Variants in ZNF699 observed in about 807,000 individuals in gnomAD.
The protein encoded by ZNF699 is hangover homolog.
ZNF699 carries 18 observed loss-of-function variants against 22.5 expected under a neutral mutation model. The observed-to-expected ratio is 0.80, with a 90% CI of 0.55 to 1.19. The LOEUF (loss-of-function observed/expected upper bound fraction) is 1.19, where lower values mean the gene tolerates loss of function less well. Among genes scored for constraint, ZNF699 ranks in the 50% most tolerant of loss-of-function variants. The probability of loss-of-function intolerance (pLI) is 0.00; values close to 1 mark genes in which losing one functional copy is unlikely to be tolerated. For synonymous variants in ZNF699, 241 were observed against 262.3 expected (o/e 0.92, Z 0.78); for missense variants, 670 against 763.4 (o/e 0.88, Z 1.44).
rs1202373987 is a variant in ZNF699 at position 9,302,467 on chromosome 19, G to T, written c.86C>A (p.Thr29Asn). Residue 29 changes from threonine (T) to asparagine (N), a missense_variant, in exon 3 of 6, where the codon ACC becomes AAC. By Grantham distance (65) the Thr-to-Asn change is moderately conservative. Transcript: ENST00000591998. ...ATCCAGCAAAGCCCATTCCTCCTGG[G>T]TAAAGTCCACAGCCACATCCTCAAA... Reference protein sequence around the residue: ...VVFEDVAVDFTQEEWALLDLA... With the variant: ...VVFEDVAVDFNQEEWALLDLA... 5.6e-6 allele frequency: 9 copies of T among 1,613,744 alleles called. No individual in the cohort carries two copies. In the Admixed American group the frequency reaches 1.5e-4, roughly 27 times the overall value.
intron 2 of ZNF699, among the ~76,000 whole-genome samples, chr19:9,304,822 C>A (rs932061902): frequency 2.0e-5 from 3 of 150,738 alleles, no homozygotes; most frequent in Admixed American, 6.6e-5. Context: ...ACTCGGGAGG[C>A]TGAGGCAGGA....
chr19:9,302,329 A>T (rs1358397735), intron 3 of ZNF699, 49 bp downstream of exon 3: 1 of 1,604,964 alleles, frequency 6.2e-7, no homozygotes, highest in Non-Finnish European at 8.5e-7. Context: ...ATTTAGTGAG[A>T]TAAAATAACT....
chr19:9,295,363 CGAT>C lies in ZNF699; in HGVS notation c.*109_*111del. 7.1e-7 allele frequency: 1 copy of C among 1,408,480 alleles called. No individual in the cohort carries two copies. The allele number at this position is 1,408,480 out of a possible 1,614,324, so 87.2% of individuals were successfully genotyped here. On this transcript the variant is annotated 3_prime_UTR_variant, in exon 6 of 6. Coordinates refer to ENST00000591998, the MANE Select transcript of ZNF699 (RefSeq NM_198535.3). ...CTAAAGTGTCCTCAAATCTTCAAAA[CGAT>C]GAGCAACAATTTCCTACTTTCTTAC...
chr19:9,297,499 A>AAGC lies in ZNF699; in HGVS notation c.287-23_287-21dup, dbSNP rs779167302. 6.5e-7 allele frequency: 1 copy of AAGC among 1,542,954 alleles called. No homozygotes were observed. The highest frequency in any genetic ancestry group is 1.4e-5 in the African/African-American group (1 of 71,480). On this transcript the variant is annotated intron_variant, in intron 4 of 5. Transcript: ENST00000591998. This position sits in a 1 kb window ranked among gnomAD's most constrained non-coding sequence, Gnocchi z 4.3. ...CAAAACCTGAAACGAAAAAAAGTGAAAGCTTCCATGAGCCAAGGACTTTTA... is the reference window on the plus strand; with the variant it reads ...CAAAACCTGAAACGAAAAAAAGTGAAAGCAGCTTCCATGAGCCAAGGACTTTTA...
intron 3 of ZNF699, among the ~76,000 whole-genome samples, chr19:9,300,943 T>C (rs1337632765): frequency 1.3e-5 from 2 of 152,170 alleles, no homozygotes; most frequent in African/African-American, 4.8e-5. Context: ...AATGATGGAC[T>C]CTGGGCAATG....
In ZNF699 at chr19:9,296,045, C is replaced by G; in HGVS notation, c.1359G>C (p.Gly453=). The change falls in exon 6 of 6, where the codon GGG becomes GGC. Residue 453 remains glycine (G), a synonymous_variant. Coordinates refer to ENST00000591998, the MANE Select transcript of ZNF699 (RefSeq NM_198535.3). The part of the protein sequence containing the change: ...REKPYECKEC[G]KAFSCPSSFR... ...AGGACGAGGGACAACTAAAGGCCTT[C>G]CCACATTCCTTACATTCATAGGGTT... The G allele has an allele frequency of 6.2e-7, 1 of 1,614,154 alleles. No individual in the cohort carries two copies. Among genetic ancestry groups the G allele is most frequent in the Non-Finnish European group, 8.5e-7 (1 of 1,180,022 alleles).
At chr19:9,307,602 G>A (rs1181431313) in intron 1 of ZNF699, among the ~76,000 whole-genome samples, 1 of 151,970 alleles carries the variant, frequency 6.6e-6, no homozygotes, top group Non-Finnish European at 1.5e-5. Flanking sequence ...AATTTCAGAG[G>A]GTTTAGTATA....
At chr19:9,304,367 G>A (rs1049385502) in intron 2 of ZNF699, among the ~76,000 whole-genome samples, 1 of 151,574 alleles carries the variant, frequency 6.6e-6, no homozygotes, top group Non-Finnish European at 1.5e-5. Flanking sequence ...AAAATACACC[G>A]AGAGAAAAGC....
At position 9,292,694 on chromosome 19, in the gene ZNF699, T is replaced by C. The variant is rs550547171; in HGVS notation, c.*2781A>G. 5.7e-4 allele frequency among the ~76,000 whole-genome samples: 86 copies of C among 152,146 alleles called. No homozygotes were observed. Among genetic ancestry groups the C allele is most frequent in the African/African-American group, 2.0e-3 (84 of 41,496 alleles). On this transcript the variant is annotated 3_prime_UTR_variant, in exon 6 of 6. Coordinates refer to ENST00000591998, the MANE Select transcript of ZNF699 (RefSeq NM_198535.3). ...AAATGTTATCTGTAATGTATGTATA[T>C]ATAATATACATATTTTATGTATATA...
Position 9,296,003 on chromosome 19 carries a change from T to C in ZNF699, c.1401A>G (p.Arg467=). The C allele has an allele frequency of 6.2e-7, 1 of 1,614,102 alleles. No homozygotes were observed. Among genetic ancestry groups the C allele is most frequent in the Non-Finnish European group, 8.5e-7 (1 of 1,180,014 alleles). ...SCPSSFRAHV[R]DHTGKIQYEC... ...CATACTGTATCTTTCCAGTGTGATC[T>C]CTCACATGTGCTCTAAAGGACGAGG... Residue 467 remains arginine, a synonymous_variant, in exon 6 of 6, where the codon AGA becomes AGG. Transcript: ENST00000591998.
chr19:9,305,500 T>C (rs2066324507), intron 1 of ZNF699, among the ~76,000 whole-genome samples: 1 of 151,986 alleles, frequency 6.6e-6, no homozygotes, highest in Non-Finnish European at 1.5e-5. Context: ...TATCAGGGAG[T>C]ATCTTCCAAA....
Position 9,295,928 on chromosome 19 carries a change from T to C in ZNF699, c.1476A>G (p.Glu492=), listed in dbSNP as rs2144974564. The C allele has an allele frequency of 6.2e-7, 1 of 1,614,092 alleles. No homozygotes were observed. Among genetic ancestry groups the C allele is most frequent in the African/African-American group, 1.3e-5 (1 of 75,010 alleles). Residue 492 remains glutamate, a synonymous_variant, in exon 6 of 6, where the codon GAA becomes GAG. Coordinates refer to ENST00000591998, the MANE Select transcript of ZNF699 (RefSeq NM_198535.3). ...TCTCTCCGCTGTGAGTTCTTAGGTG[T>C]TCGGTGAGGGATGAGGAACGACTAA... The part of the protein sequence containing the change: ...KTFSRSSSLT[E]HLRTHSGEKP...
rs867222996 is a variant in ZNF699, at chr19:9,293,091, C to G, written c.*2384G>C. 6.8e-6 allele frequency among the ~76,000 whole-genome samples: 1 copy of G among 146,350 alleles called. No individual in the cohort carries two copies. Among genetic ancestry groups the G allele is most frequent in the Non-Finnish European group, 1.5e-5 (1 of 67,176 alleles). On this transcript the variant is annotated 3_prime_UTR_variant, in exon 6 of 6. Transcript: ENST00000591998. ...GCGGAGATTGCAGTGAGCAAGATCA[C>G]GCCACTGCACTCCAACCTGGGCACA...
chr19:9,303,332 C>T (rs748294724), intron 2 of ZNF699, among the ~76,000 whole-genome samples: 3 of 152,226 alleles, frequency 2.0e-5, no homozygotes, highest in Non-Finnish European at 4.4e-5. Context: ...GTCAATTATA[C>T]TTCTGACTGG....
rs952963340 is a variant in ZNF699 at position 9,294,583 on chromosome 19, A to G, written c.*892T>C. The G allele has an allele frequency of 2.0e-5, 3 of 152,148 alleles. No individual in the cohort carries two copies. The highest frequency in any genetic ancestry group is 7.2e-5 in the African/African-American group (3 of 41,420). 9.4% of individuals were successfully genotyped at this position (152,148 alleles called of 1,614,324 possible). The stretch of plus-strand genomic sequence containing the variant: ...TAGCATAACAGCTTTTTCTTCCCTT[A>G]TGCCTTCCAAATCTCGTACAAACTC... On this transcript the variant is annotated 3_prime_UTR_variant, in exon 6 of 6. Coordinates refer to ENST00000591998, the MANE Select transcript of ZNF699 (RefSeq NM_198535.3).
chr19:9,296,291 G>A lies in ZNF699; in HGVS notation c.1113C>T (p.Ala371=), dbSNP rs748252906. The A allele has an allele frequency of 1.1e-5, 18 of 1,613,904 alleles. No individual in the cohort carries two copies. In the South Asian group the frequency reaches 1.9e-4, roughly 17 times the overall value. Residue 371 remains alanine (A), a synonymous_variant, in exon 6 of 6, where the codon GCC becomes GCT. Coordinates refer to ENST00000591998, the MANE Select transcript of ZNF699 (RefSeq NM_198535.3). ...KPYECKECGK[A]FSESSKLTVH... ...CAGTGAGTTTTGAGGACTCGCTGAAGGCCTTCCCACACTCTTTACATTCAT... is the reference window on the plus strand; with the variant it reads ...CAGTGAGTTTTGAGGACTCGCTGAAAGCCTTCCCACACTCTTTACATTCAT...
chr19:9,294,787 CAAT>C lies in ZNF699; in HGVS notation c.*685_*687del, dbSNP rs1169185935. 1 of 151,970 alleles carries C rather than the reference CAAT, an allele frequency of 6.6e-6. No homozygotes were observed. The highest frequency in any genetic ancestry group is 6.6e-5 in the Admixed American group (1 of 15,256). 9.4% of individuals were successfully genotyped at this position (151,970 alleles called of 1,614,324 possible). On this transcript the variant is annotated 3_prime_UTR_variant, in exon 6 of 6. Transcript: ENST00000591998. ...ATTTCTGCTGAAATTACTCACTAGA[CAAT>C]AAAAGCTTTTAATAGTAAAAATTTA...
At chr19:9,298,469 G>A (rs1304441905) in intron 3 of ZNF699, among the ~76,000 whole-genome samples, 1 of 151,268 alleles carries the variant, frequency 6.6e-6, no homozygotes, top group African/African-American at 2.4e-5. Context: ...AAGGAGAGGT[G>A]GCAGGAGGAA....
rs2066289530 is a variant in ZNF699, at chr19:9,297,006, CTT to C, written c.471-75_471-74del. ...TCAGTGAATGTATATGTTTTCTGCC[CTT>C]CTGTCAAGTTTAAGCTGAAAGTTTT... On this transcript the variant is annotated intron_variant, in intron 5 of 5. Transcript: ENST00000591998. The surrounding 1 kb of genome is among the most constrained non-coding windows in gnomAD (Gnocchi z 4.3). 9.2e-6 allele frequency: 12 copies of C among 1,307,392 alleles called. No individual in the cohort carries two copies. Among genetic ancestry groups the C allele is most frequent in the African/African-American group, 3.0e-5 (2 of 66,852 alleles). The allele number at this position is 1,307,392 out of a possible 1,614,324, so 81.0% of individuals were successfully genotyped here.
Sources: allele counts gnomAD v4.1 joint callset (sites outside exome capture counted in the v4.1 genomes callset), GRCh38; gene constraint gnomAD v4.1.1; non-coding constraint Gnocchi (gnomAD v3.1); transcripts MANE v1.5; gene names NCBI Gene and HGNC (gene_info 2026-07-23, HGNC 2026-07-21).